HEATR5B: variants seen among roughly 807,000 people sequenced by gnomAD.
HEATR5B encodes the protein HEAT repeat containing 5B, also known as HEAT repeat-containing protein 5B.
Under a neutral mutation model 224.1 loss-of-function variants are expected in HEATR5B, and 156 were observed. That is an observed-to-expected ratio of 0.70 (90% CI 0.61 to 0.80). The LOEUF (loss-of-function observed/expected upper bound fraction) is 0.80, where lower values mean the gene tolerates loss of function less well. HEATR5B is among the 30% of genes least tolerant of loss of function. The pLI is 0.00. For synonymous variants in HEATR5B, 1,027 were observed against 893.0 expected, an observed-to-expected ratio of 1.15 and a Z score of -2.68; for missense variants, 2,323 against 2,535.5, an observed-to-expected ratio of 0.92 and a Z score of 1.80.
chr2:37,070,531 A>G (rs1671844715), intron 6 of HEATR5B, 144 bp from the exon 7 acceptor site: 13 of 662,162 alleles, frequency 2.0e-5, no homozygotes, highest in South Asian at 1.8e-4. Context: ...AAAATTTTCA[A>G]TGTACTTGTA....
At chr2:37,062,472 T>C (rs1671344363) in intron 10 of HEATR5B, among the ~76,000 whole-genome samples, 1 of 152,168 alleles carries the variant, frequency 6.6e-6, no homozygotes, top group Non-Finnish European at 1.5e-5. Context: ...TAGCATGTTT[T>C]TGAAAGAGGC....
At chr2:37,043,965 C>T (rs1416107031) in intron 18 of HEATR5B, among the ~76,000 whole-genome samples, 3 of 152,100 alleles carry the variant, frequency 2.0e-5, no homozygotes, top group Admixed American at 1.3e-4. Flanking sequence ...TGGTCTCAAA[C>T]GCCTGGCCTC....
chr2:37,003,037 T>C (rs1313599422), intron 31 of HEATR5B, among the ~76,000 whole-genome samples: 1 of 151,932 alleles, frequency 6.6e-6, no homozygotes. Context: ...GATGGACGGA[T>C]CACTTGGGCT....
At chr2:37,003,478 A>G in intron 31 of HEATR5B, 64 bp downstream of exon 31, 1 of 1,197,624 alleles carries the variant, frequency 8.3e-7, no homozygotes, top group Non-Finnish European at 1.2e-6. Context: ...CCTGGCGTTA[A>G]TATTTTAAAA....
chr2:37,049,628 C>T, intron 18 of HEATR5B, 25 bp downstream of exon 18: 1 of 1,594,560 alleles, frequency 6.3e-7, no homozygotes, highest in Non-Finnish European at 8.6e-7. Context: ...ACACATGAAA[C>T]TTGTTAGTAA....
intron 8 of HEATR5B, 123 bp from the exon 9 acceptor site, chr2:37,066,033 T>C: frequency 1.3e-6 from 1 of 742,354 alleles, no homozygotes; most frequent in South Asian, 2.3e-5. Flanking sequence ...ACTATGCAGT[T>C]ATTTCTCAAT....
Position 37,075,551 on chromosome 2 carries a change from A to G in HEATR5B, c.531T>C (p.Asp177=), listed in dbSNP as rs935584377. The change falls in exon 5 of 36, where the codon GAT becomes GAC. Residue 177 remains aspartate (D), a synonymous_variant. Coordinates refer to ENST00000233099, the MANE Select transcript of HEATR5B (RefSeq NM_019024.3). ...LGGAAASSHR[D]IYKNARSLLT... is the part of the protein sequence containing the mutation. Reference sequence around the variant, plus strand: ...AGAGAGACCTGGCATTCTTGTAAATATCACGATGGGAGGAAGCTGCTGCAC... The same window carrying G: ...AGAGAGACCTGGCATTCTTGTAAATGTCACGATGGGAGGAAGCTGCTGCAC... 3 of 1,613,972 alleles carry G rather than the reference A, an allele frequency of 1.9e-6. No homozygotes were observed. The highest frequency in any genetic ancestry group is 2.7e-5 in the African/African-American group (2 of 74,942).
chr2:36,993,965 T>C (rs933464191), intron 33 of HEATR5B, among the ~76,000 whole-genome samples: 6 of 149,832 alleles, frequency 4.0e-5, no homozygotes, highest in Non-Finnish European at 9.0e-5. Flanking sequence ...GGCAATATAA[T>C]GACTAAAAAA....
chr2:37,009,323 G>A (rs1302030424), intron 27 of HEATR5B, among the ~76,000 whole-genome samples: 1 of 149,270 alleles, frequency 6.7e-6, no homozygotes, highest in Non-Finnish European at 1.5e-5. Flanking sequence ...GCTCATGCCT[G>A]TAATCCCAGC....
At chr2:37,034,035 C>T (rs1316266529) in intron 21 of HEATR5B, among the ~76,000 whole-genome samples, 1 of 152,084 alleles carries the variant, frequency 6.6e-6, no homozygotes. Context: ...TATATCTCCC[C>T]TTCACAATGC....
In HEATR5B at chr2:37,013,955, A is replaced by G. The variant is rs760929708; in HGVS notation, c.4170T>C (p.Asn1390=). ...CTTTGTCCAGAGAAGAAACAAGAAG[A>G]TTGTGTACTCGACGGAGATCATTGA... ...SDLNDLRRVH[N]LLVSSLDKVQ... is the part of the protein sequence containing the mutation. Residue 1390 remains asparagine (N), a synonymous_variant, in exon 27 of 36, where the codon AAT becomes AAC. Coordinates refer to ENST00000233099, the MANE Select transcript of HEATR5B (RefSeq NM_019024.3). The G allele has an allele frequency of 1.6e-5, 26 of 1,612,670 alleles. No homozygotes were observed. In the East Asian group the frequency reaches 5.6e-4, roughly 35 times the overall value.
intron 26 of HEATR5B, among the ~76,000 whole-genome samples, chr2:37,015,497 T>C (rs1443054828): frequency 7.9e-5 from 12 of 152,084 alleles, no homozygotes; most frequent in Non-Finnish European, 2.9e-5. Flanking sequence ...TAGTTAGAAA[T>C]CCCAGGATAT....
intron 18 of HEATR5B, among the ~76,000 whole-genome samples, chr2:37,045,958 C>T (rs549252391): frequency 1.3e-5 from 2 of 152,224 alleles, no homozygotes; most frequent in African/African-American, 4.8e-5. Flanking sequence ...TAAATACAGT[C>T]CCTGTTATTC....
intron 18 of HEATR5B, among the ~76,000 whole-genome samples, chr2:37,042,404 A>G (rs1669927646): frequency 6.6e-6 from 1 of 152,216 alleles, no homozygotes; most frequent in Admixed American, 6.5e-5. Context: ...ACCAAGAAGG[A>G]TAAGAACATC....
At chr2:37,009,935 C>T (rs76557268) in intron 27 of HEATR5B, among the ~76,000 whole-genome samples, 5,156 of 152,264 alleles carry the variant, frequency 0.034, 119 homozygotes, top group Non-Finnish European at 0.052. Flanking sequence ...CTCCTTCTTA[C>T]ACAGACCTTA....
chr2:37,024,237 A>AG (rs2148449209), intron 24 of HEATR5B, among the ~76,000 whole-genome samples: 1 of 152,294 alleles, frequency 6.6e-6, no homozygotes, highest in African/African-American at 2.4e-5. Context: ...CGGTTACCAG[A>AG]GGTTAAGGGT....
In HEATR5B at chr2:36,990,758, C is replaced by G. The variant is rs763353625; in HGVS notation, c.5587G>C (p.Ala1863Pro). ...GCAGACCACAGGAAGAGTGCAATTG[C>G]TGTTAGCATGCTTACTTCATCAGGT... ...PTPDEVSMLT[A>P]IALFLWSASN... Residue 1863 changes from alanine (A) to proline (P), a missense_variant, in exon 34 of 36, where the codon GCA becomes CCA. This residue lies in a region of HEATR5B where 844 missense variants were observed against 812.9 expected (regional missense o/e 1.04). Transcript: ENST00000233099. The G allele has an allele frequency of 6.2e-7, 1 of 1,611,034 alleles. No individual in the cohort carries two copies. Among genetic ancestry groups the G allele is most frequent in the South Asian group, 1.1e-5 (1 of 90,632 alleles).
intron 13 of HEATR5B, 108 bp downstream of exon 13, chr2:37,058,778 TAA>T (rs1671070355): frequency 1.4e-6 from 1 of 739,610 alleles, no homozygotes; most frequent in Non-Finnish European, 2.2e-6. Flanking sequence ...ATTACAAAAA[TAA>T]AGTTTTATGT....
chr2:37,054,319 C>T (rs537785939), intron 16 of HEATR5B, among the ~76,000 whole-genome samples: 9 of 150,898 alleles, frequency 6.0e-5, no homozygotes, highest in Non-Finnish European at 7.4e-5. Flanking sequence ...CTCAGCCTCC[C>T]GAGTAGCATG....
Sources: gnomAD v4.1 joint callset for allele counts (sites outside exome capture counted in the v4.1 genomes callset) on GRCh38, gnomAD v4.1.1 for gene constraint, gnomAD v4.1.1 regional missense constraint, MANE v1.5 for transcripts, NCBI Gene and HGNC (gene_info 2026-07-23, HGNC 2026-07-21) for gene names.